The following CRACD variants were observed in gnomAD, a reference collection of about 807,000 sequenced individuals.
The protein encoded by CRACD is capping protein inhibiting regulator of actin dynamics, also known as capping protein-inhibiting regulator of actin dynamics.
A neutral mutation model predicts 106.8 loss-of-function variants in CRACD; 56 were observed. That is an observed-to-expected ratio of 0.52 (90% CI 0.42 to 0.66). The LOEUF (loss-of-function observed/expected upper bound fraction) is 0.66, where lower values mean the gene tolerates loss of function less well. Ranked by LOEUF, CRACD falls within the 30% of genes least tolerant of loss-of-function variation. The probability of loss-of-function intolerance (pLI) is 0.00; values close to 1 mark genes in which losing one functional copy is unlikely to be tolerated. For missense variants in CRACD, 1,730 were observed against 1,623.2 expected, an observed-to-expected ratio of 1.07 and a Z score of -1.13; for synonymous variants, 754 against 670.8, an observed-to-expected ratio of 1.12 and a Z score of -1.92.
At chr4:56,132,042 T>G (rs1051854189) in intron 1 of CRACD, among the ~76,000 whole-genome samples, 1 of 152,162 alleles carries the variant, frequency 6.6e-6, no homozygotes, top group Non-Finnish European at 1.5e-5. Context: ...GGCTATACAT[T>G]CAATTATATT....
intron 3 of CRACD, among the ~76,000 whole-genome samples, chr4:56,279,994 GGACATGGAT>G (rs1742929807): frequency 6.6e-6 from 1 of 151,862 alleles, no homozygotes; most frequent in Non-Finnish European, 1.5e-5. Context: ...TCCTTTGTAG[GGACATGGAT>G]GAAGCTGGAA....
intron 2 of CRACD, among the ~76,000 whole-genome samples, chr4:56,215,421 A>T (rs1398573181): frequency 6.6e-6 from 1 of 152,242 alleles, no homozygotes; most frequent in Non-Finnish European, 1.5e-5. Context: ...TCACCTTGGC[A>T]GTTAGAATTT....
At chr4:56,103,053 GTC>G (rs1019661863) in intron 1 of CRACD, among the ~76,000 whole-genome samples, 4 of 152,220 alleles carry the variant, frequency 2.6e-5, no homozygotes, top group African/African-American at 7.2e-5. Context: ...CGGAAACCGA[GTC>G]TGTTTTTGCT....
intron 2 of CRACD, among the ~76,000 whole-genome samples, chr4:56,230,904 T>A (rs1739579142): frequency 6.6e-6 from 1 of 152,202 alleles, no homozygotes; most frequent in Non-Finnish European, 1.5e-5. Flanking sequence ...GTTCAACAAG[T>A]ACTGACTAAA....
Position 56,298,213 on chromosome 4 carries a change from G to T in CRACD, c.-16-1G>T. ...AATGAAGCACATGATTTACCTTCCA[G>T]GTCCTTCAACTATTCTATGGGAACC... On this transcript the variant is annotated splice_acceptor_variant, in intron 3 of 10. Transcript: ENST00000682029. LOFTEE classifies it low-confidence loss of function (5UTR_SPLICE). 2 of 1,612,274 alleles carry T rather than the reference G, an allele frequency of 1.2e-6. No individual in the cohort carries two copies. Among genetic ancestry groups the T allele is most frequent in the Non-Finnish European group, 1.7e-6 (2 of 1,179,336 alleles).
At position 56,319,724 on chromosome 4, in the gene CRACD, G is replaced by A. The variant is rs530106294; in HGVS notation, c.3187+3035G>A. ...AATTGCCTCTCACATTTCCTGTGAC[G>A]TACGCAACCATTTTTGGAGACCAGT... On this transcript the variant is annotated intron_variant, in intron 8 of 10. Transcript: ENST00000682029. Among the ~76,000 whole-genome samples the A allele has an allele frequency of 5.8e-4, 88 of 152,118 alleles. 1 individual carries two copies. The highest frequency in any genetic ancestry group is 7.4e-4 in the Non-Finnish European group (50 of 68,000).
intron 2 of CRACD, among the ~76,000 whole-genome samples, chr4:56,266,728 T>C (rs1742044183): frequency 6.6e-6 from 1 of 152,260 alleles, no homozygotes; most frequent in South Asian, 2.1e-4. Context: ...GACCATGTAC[T>C]TAATCCAGTT....
rs560193260 is a variant in CRACD, at chr4:56,270,090, G to A, written c.-188-2231G>A. ...ACCACTGATGTTGGAGGCTCTGTTTGCACCTGTACTAATGTTCCCAGATGA... is the reference window on the plus strand; with the variant it reads ...ACCACTGATGTTGGAGGCTCTGTTTACACCTGTACTAATGTTCCCAGATGA... On this transcript the variant is annotated intron_variant, in intron 2 of 10. Transcript: ENST00000682029. 3.9e-5 allele frequency among the ~76,000 whole-genome samples: 6 copies of A among 152,312 alleles called. No individual in the cohort carries two copies. In the East Asian group the frequency reaches 1.2e-3, roughly 29 times the overall value.
intron 1 of CRACD, among the ~76,000 whole-genome samples, chr4:56,154,086 A>C (rs773701736): frequency 6.6e-6 from 1 of 152,226 alleles, no homozygotes; most frequent in Non-Finnish European, 1.5e-5. Flanking sequence ...ACTGTGGTTC[A>C]GTGCTTAATA....
chr4:56,095,858 T>C (rs1486254550), intron 1 of CRACD, among the ~76,000 whole-genome samples: 1 of 152,178 alleles, frequency 6.6e-6, no homozygotes, highest in Non-Finnish European at 1.5e-5. Flanking sequence ...CTCATCCAGC[T>C]GAGATAGGAT....
At chr4:56,108,211 A>G (rs890220774) in intron 1 of CRACD, among the ~76,000 whole-genome samples, 9 of 152,178 alleles carry the variant, frequency 5.9e-5, no homozygotes, top group Non-Finnish European at 1.0e-4. Flanking sequence ...TTTACAGTTG[A>G]GAAACATGGC....
At chr4:56,051,659 C>T (rs1731881231) in intron 1 of CRACD, among the ~76,000 whole-genome samples, 1 of 152,164 alleles carries the variant, frequency 6.6e-6, no homozygotes, top group East Asian at 1.9e-4. Flanking sequence ...CTGAATCACA[C>T]AACCTTCTCC....
chr4:56,264,147 A>G (rs1323030869), intron 2 of CRACD, among the ~76,000 whole-genome samples: 2 of 152,130 alleles, frequency 1.3e-5, no homozygotes, highest in Non-Finnish European at 2.9e-5. Context: ...ACCAGATCTT[A>G]TGAGAACTCA....
At chr4:56,214,482 C>G (rs1461749183) in intron 2 of CRACD, among the ~76,000 whole-genome samples, 1 of 151,756 alleles carries the variant, frequency 6.6e-6, no homozygotes, top group Non-Finnish European at 1.5e-5. Context: ...ATCCCAGCTA[C>G]TTGGGAAGCC....
chr4:56,316,737 C>T lies in CRACD; in HGVS notation c.3187+48C>T, dbSNP rs752853811. On this transcript the variant is annotated intron_variant, in intron 8 of 10. Coordinates refer to ENST00000682029, the MANE Select transcript of CRACD (RefSeq NM_001393381.1). ...ACTGCTGCCAGCCGAGGTGTCAGAG[C>T]CAGGGCATCAAGAAGAGATCCACAC... 6 of 1,463,724 alleles carry T rather than the reference C, an allele frequency of 4.1e-6. No individual in the cohort carries two copies. In the Admixed American group the frequency reaches 1.2e-4, roughly 29 times the overall value. The allele number at this position is 1,463,724 out of a possible 1,614,324, so 90.7% of individuals were successfully genotyped here.
At chr4:56,067,548 G>A (rs1732501697) in intron 1 of CRACD, among the ~76,000 whole-genome samples, 1 of 152,168 alleles carries the variant, frequency 6.6e-6, no homozygotes, top group Admixed American at 6.5e-5. Flanking sequence ...TCTTGGTTCT[G>A]CACTTCATTT....
At chr4:56,169,140 A>T (rs904696686) in intron 1 of CRACD, among the ~76,000 whole-genome samples, 1 of 152,140 alleles carries the variant, frequency 6.6e-6, no homozygotes, top group Non-Finnish European at 1.5e-5. Flanking sequence ...ACAAATAGGG[A>T]GTAAGTTGTT....
chr4:56,071,324 G>C lies in CRACD; in HGVS notation c.-336+22025G>C, dbSNP rs112032420. On this transcript the variant is annotated intron_variant, in intron 1 of 10. Coordinates refer to ENST00000682029, the MANE Select transcript of CRACD (RefSeq NM_001393381.1). ...AGATAGACACTTTTTTACTTCATGG[G>C]CAGAAAAGCATCAATTTCCTGTGGT... Among the ~76,000 whole-genome samples, 454 of 152,194 alleles carry C rather than the reference G, an allele frequency of 3.0e-3. 1 individual carries two copies. The highest frequency in any genetic ancestry group is 0.014 in the Middle Eastern group (4 of 294).
chr4:56,085,540 G>A (rs544771392), intron 1 of CRACD, among the ~76,000 whole-genome samples: 19 of 152,122 alleles, frequency 1.2e-4, no homozygotes, highest in Non-Finnish European at 2.5e-4. Flanking sequence ...CTTAGAGGTT[G>A]GCAAAGTTTT....
Sources: allele counts gnomAD v4.1 joint callset (sites outside exome capture counted in the v4.1 genomes callset), GRCh38; gene constraint gnomAD v4.1.1; transcripts MANE v1.5; gene names NCBI Gene and HGNC (gene_info 2026-07-23, HGNC 2026-07-21).